The following EPHB1 variants were observed in gnomAD, a reference collection of about 807,000 sequenced individuals.
EPHB1 encodes the protein EPH receptor B1.
EPHB1 carries 30 observed loss-of-function variants against 94.4 expected under a neutral mutation model. The observed-to-expected ratio is 0.32, with a 90% CI of 0.24 to 0.43. The LOEUF (loss-of-function observed/expected upper bound fraction) is 0.43, where lower values mean the gene tolerates loss of function less well. Among genes scored for constraint, EPHB1 ranks in the 20% least tolerant of loss-of-function variants. The pLI, the probability that EPHB1 is intolerant of heterozygous loss-of-function variation, is 1.00. For synonymous variants in EPHB1, 522 were observed against 489.1 expected, an observed-to-expected ratio of 1.07 and a Z score of -0.89; for missense variants, 1,055 against 1,308.3, an observed-to-expected ratio of 0.81 and a Z score of 2.99.
chr3:135,003,816 A>C (rs1315751805), intron 3 of EPHB1, among the ~76,000 whole-genome samples: 2 of 151,766 alleles, frequency 1.3e-5, no homozygotes, highest in Non-Finnish European at 2.9e-5. Context: ...TGCTTGGTAG[A>C]TCTTCCTCCA....
chr3:135,190,050 T>A (rs922519146), intron 10 of EPHB1, among the ~76,000 whole-genome samples: 1 of 152,230 alleles, frequency 6.6e-6, no homozygotes, highest in Non-Finnish European at 1.5e-5. Context: ...CCCTGCCAAC[T>A]GAAACATAGC....
At chr3:134,904,165 G>A (rs778523826) in intron 1 of EPHB1, among the ~76,000 whole-genome samples, 3 of 152,178 alleles carry the variant, frequency 2.0e-5, no homozygotes, top group Non-Finnish European at 4.4e-5. Context: ...GCCCAATTAG[G>A]AGCCTGTAGC....
chr3:134,891,542 T>C (rs1447569413), intron 1 of EPHB1, among the ~76,000 whole-genome samples: 1 of 152,250 alleles, frequency 6.6e-6, no homozygotes, highest in East Asian at 1.9e-4. Flanking sequence ...AAATCAAGAA[T>C]GGGTGTTAAA....
intron 4 of EPHB1, among the ~76,000 whole-genome samples, chr3:135,126,937 A>T (rs1016999678): frequency 6.6e-6 from 1 of 152,172 alleles, no homozygotes; most frequent in African/African-American, 2.4e-5. Flanking sequence ...TCTTAATTAC[A>T]TGAGCAGGTG....
intron 4 of EPHB1, among the ~76,000 whole-genome samples, chr3:135,131,450 G>A (rs1241398049): frequency 6.6e-6 from 1 of 152,106 alleles, no homozygotes; most frequent in East Asian, 1.9e-4. Flanking sequence ...TGACAGTCAC[G>A]TGCATGAATT....
chr3:134,986,499 A>G (rs1299518793), intron 3 of EPHB1, among the ~76,000 whole-genome samples: 5 of 152,162 alleles, frequency 3.3e-5, no homozygotes, highest in African/African-American at 1.2e-4. Context: ...TGAGGGGCCA[A>G]CTCAGGTTCA....
chr3:135,045,403 A>G (rs1936971381), intron 3 of EPHB1, among the ~76,000 whole-genome samples: 1 of 152,246 alleles, frequency 6.6e-6, no homozygotes, highest in Admixed American at 6.5e-5. Flanking sequence ...GATAAGTTCA[A>G]ATAAAATACT....
At chr3:135,173,601 G>T (rs1477827741) in intron 9 of EPHB1, among the ~76,000 whole-genome samples, 1 of 152,160 alleles carries the variant, frequency 6.6e-6, no homozygotes, top group African/African-American at 2.4e-5. Flanking sequence ...CAGTGTCCTG[G>T]TCTTAGCCCT....
intron 2 of EPHB1, among the ~76,000 whole-genome samples, chr3:134,929,728 T>A (rs36176): frequency 0.59 from 89,378 of 151,994 alleles, 28,505 homozygotes; most frequent in African/African-American, 0.85. Context: ...GCACCTTGAC[T>A]TCAGATTTAA....
chr3:134,867,355 C>A (rs916749087), intron 1 of EPHB1, among the ~76,000 whole-genome samples: 1 of 152,208 alleles, frequency 6.6e-6, no homozygotes, highest in African/African-American at 2.4e-5. Flanking sequence ...AATGATGGAA[C>A]CAGCATTTGG....
intron 5 of EPHB1, among the ~76,000 whole-genome samples, chr3:135,144,406 C>T (rs561524750): frequency 2.6e-5 from 4 of 152,236 alleles, no homozygotes; most frequent in African/African-American, 9.6e-5. Context: ...ATTGCTGGGC[C>T]CACACCCAGA....
In EPHB1 at chr3:134,951,905, A is replaced by G; in HGVS notation, c.658A>G (p.Ile220Val). The G allele has an allele frequency of 1.9e-6, 3 of 1,613,938 alleles. No homozygotes were observed. Among genetic ancestry groups the G allele is most frequent in the Non-Finnish European group, 2.5e-6 (3 of 1,179,874 alleles). The change falls in exon 3 of 16, where the codon ATT becomes GTT. Residue 220 changes from isoleucine to valine, a missense_variant. Ile to Val is a conservative substitution (Grantham distance 29). Coordinates refer to ENST00000398015, the MANE Select transcript of EPHB1 (RefSeq NM_004441.5). This position sits in a 1 kb window ranked among gnomAD's most constrained non-coding sequence, Gnocchi z 4.5. The part of the protein sequence containing the change: ...MTGAESTSLV[I>V]ARGTCIPNAE... ...AGGGGCAGAGAGCACATCTCTGGTG[A>G]TTGCTCGGGGCACATGCATCCCCAA... is the stretch of plus-strand genomic sequence containing the variant.
chr3:134,879,485 A>T (rs761325527), intron 1 of EPHB1, among the ~76,000 whole-genome samples: 1 of 152,074 alleles, frequency 6.6e-6, no homozygotes, highest in Non-Finnish European at 1.5e-5. Context: ...AAAAATACAA[A>T]AAAATAAAAT....
chr3:134,913,709 A>G (rs1324863759), intron 1 of EPHB1, among the ~76,000 whole-genome samples: 1 of 152,218 alleles, frequency 6.6e-6, no homozygotes, highest in Non-Finnish European at 1.5e-5. Flanking sequence ...TGCTGGGAGC[A>G]CTGGGTTTGG....
chr3:134,980,941 C>T (rs1934378434), intron 3 of EPHB1, among the ~76,000 whole-genome samples: 1 of 152,162 alleles, frequency 6.6e-6, no homozygotes, highest in Non-Finnish European at 1.5e-5. Context: ...GCCAAAGAAA[C>T]AGATTCCTGG....
At chr3:135,014,223 T>C (rs960081251) in intron 3 of EPHB1, among the ~76,000 whole-genome samples, 13 of 152,110 alleles carry the variant, frequency 8.5e-5, no homozygotes, top group African/African-American at 2.2e-4. Context: ...CAGGGAGAAT[T>C]GAGACATCTG....
chr3:135,140,859 G>A (rs1165917644), intron 5 of EPHB1, among the ~76,000 whole-genome samples: 1 of 152,210 alleles, frequency 6.6e-6, no homozygotes, highest in African/African-American at 2.4e-5. Flanking sequence ...AGCACCAGGG[G>A]TTTCTGAATG....
rs1272655027 is a variant in EPHB1, at chr3:134,906,334, A to G, written c.59-19482A>G. ...AGTAATATAAATTTTATTTAATTTT[A>G]TTTTTGTTCATTGAGTATCCTCTGG... On this transcript the variant is annotated intron_variant, in intron 1 of 15. Transcript: ENST00000398015. Among the ~76,000 whole-genome samples, 3 of 152,122 alleles carry G rather than the reference A, an allele frequency of 2.0e-5. No individual in the cohort carries two copies. In the East Asian group the frequency reaches 5.8e-4, roughly 29 times the overall value.
chr3:135,088,844 T>C (rs1490110100), intron 3 of EPHB1, among the ~76,000 whole-genome samples: 3 of 152,232 alleles, frequency 2.0e-5, no homozygotes, highest in Non-Finnish European at 4.4e-5. Flanking sequence ...GATGACACAT[T>C]GTCTATACTC....
Sources: allele counts gnomAD v4.1 joint callset (sites outside exome capture counted in the v4.1 genomes callset), GRCh38; gene constraint gnomAD v4.1.1; non-coding constraint Gnocchi (gnomAD v3.1); transcripts MANE v1.5; gene names NCBI Gene and HGNC (gene_info 2026-07-23, HGNC 2026-07-21).